Variants in MLIP observed in about 807,000 individuals in gnomAD.
The protein encoded by MLIP is muscular LMNA interacting protein.
MLIP carries 79 observed loss-of-function variants against 84.8 expected under a neutral mutation model. That is an observed-to-expected ratio of 0.93 (90% CI 0.78 to 1.12). The LOEUF (loss-of-function observed/expected upper bound fraction) is 1.12. MLIP is among the 50% of genes most tolerant of loss of function. The pLI is 0.00. For missense variants in MLIP, 1,257 were observed against 1,160.6 expected, an observed-to-expected ratio of 1.08 and a Z score of -1.21; for synonymous variants, 504 against 463.0, an observed-to-expected ratio of 1.09 and a Z score of -1.14.
intron 1 of MLIP, among the ~76,000 whole-genome samples, chr6:54,050,936 T>C (rs1266866243): frequency 1.3e-5 from 2 of 152,198 alleles, no homozygotes; most frequent in African/African-American, 4.8e-5. Flanking sequence ...CTCTGAACTT[T>C]CTGTCCTCAT....
intron 1 of MLIP, among the ~76,000 whole-genome samples, chr6:54,086,967 A>G (rs1391813038): frequency 6.6e-6 from 1 of 152,086 alleles, no homozygotes; most frequent in Non-Finnish European, 1.5e-5. Context: ...CACGACCACA[A>G]TATTCTAAGA....
At chr6:54,033,210 A>C (rs1764237646) in intron 1 of MLIP, among the ~76,000 whole-genome samples, 1 of 152,066 alleles carries the variant, frequency 6.6e-6, no homozygotes, top group South Asian at 2.1e-4. Context: ...CTTTGCGATC[A>C]TCACCACGAA....
intron 5 of MLIP, among the ~76,000 whole-genome samples, chr6:54,157,516 C>T (rs1466945682): frequency 6.6e-6 from 1 of 152,108 alleles, no homozygotes; most frequent in Non-Finnish European, 1.5e-5. Flanking sequence ...TCTGGATACC[C>T]ACAACCCCTG....
At chr6:54,151,337 T>C (rs1412743002) in intron 5 of MLIP, among the ~76,000 whole-genome samples, 2 of 152,300 alleles carry the variant, frequency 1.3e-5, no homozygotes, top group East Asian at 1.9e-4. Flanking sequence ...TGATATTGTA[T>C]TGTTCCTTTC....
intron 1 of MLIP, among the ~76,000 whole-genome samples, chr6:54,038,534 TA>T (rs1764572035): frequency 6.6e-6 from 1 of 151,952 alleles, no homozygotes; most frequent in Admixed American, 6.6e-5. Flanking sequence ...TTCAATTTAT[TA>T]AAAGCTCTGT....
chr6:54,080,147 C>T (rs183398698), intron 1 of MLIP, among the ~76,000 whole-genome samples: 2 of 152,158 alleles, frequency 1.3e-5, no homozygotes, highest in African/African-American at 4.8e-5. Flanking sequence ...GGTCCCTCCT[C>T]TCTTCATTCA....
chr6:54,104,284 T>C (rs1415034391), intron 1 of MLIP, among the ~76,000 whole-genome samples: 1 of 152,154 alleles, frequency 6.6e-6, no homozygotes, highest in Non-Finnish European at 1.5e-5. Flanking sequence ...TACTGTTACC[T>C]CAAAAGATGC....
At chr6:54,049,836 G>A (rs1765276123) in intron 1 of MLIP, among the ~76,000 whole-genome samples, 1 of 152,156 alleles carries the variant, frequency 6.6e-6, no homozygotes, top group East Asian at 1.9e-4. Context: ...TCACTGTGAA[G>A]TAATATCCAA....
At chr6:54,138,750 G>T (rs976045677) in intron 4 of MLIP, among the ~76,000 whole-genome samples, 1 of 152,170 alleles carries the variant, frequency 6.6e-6, no homozygotes, top group Non-Finnish European at 1.5e-5. Context: ...ATCTAGGCCT[G>T]TGACATAGCC....
At chr6:54,242,201 C>T (rs1010129724) in intron 12 of MLIP, among the ~76,000 whole-genome samples, 1 of 152,162 alleles carries the variant, frequency 6.6e-6, no homozygotes, top group Non-Finnish European at 1.5e-5. Context: ...GGAGAGGCCC[C>T]TTCACAAGCT....
At chr6:54,169,291 C>A (rs1775523744) in intron 8 of MLIP, among the ~76,000 whole-genome samples, 1 of 151,536 alleles carries the variant, frequency 6.6e-6, no homozygotes, top group Non-Finnish European at 1.5e-5. Context: ...CTATTATGAT[C>A]CATGAGTTGA....
intron 1 of MLIP, among the ~76,000 whole-genome samples, chr6:54,023,183 A>C (rs6938532): frequency 2.7e-5 from 1 of 36,836 alleles, no homozygotes; most frequent in Non-Finnish European, 1.2e-4. Flanking sequence ...TAATAATAAT[A>C]ATAATAATAA....
chr6:54,153,077 G>A (rs774285942), intron 5 of MLIP, among the ~76,000 whole-genome samples: 7 of 152,058 alleles, frequency 4.6e-5, no homozygotes, highest in Admixed American at 2.0e-4. Context: ...CCATTTTCAC[G>A]ATACATTTGA....
intron 1 of MLIP, among the ~76,000 whole-genome samples, chr6:54,033,475 C>T (rs1057513939): frequency 9.9e-5 from 15 of 152,018 alleles, no homozygotes; most frequent in African/African-American, 3.6e-4. Flanking sequence ...CAATGTTGGA[C>T]AGGCTGGTCT....
chr6:54,111,614 T>C lies in MLIP; in HGVS notation c.96+39T>C, dbSNP rs1265766085. On this transcript the variant is annotated intron_variant, in intron 1 of 13. Transcript: ENST00000502396. ...TTTGCTTAATGCTTTCAGTAACTTT[T>C]AAAAGCAGTGTACGGTGCTGGTGGT... 2.0e-6 allele frequency: 3 copies of C among 1,532,502 alleles called. No homozygotes were observed. In the South Asian group the frequency reaches 3.6e-5, roughly 18 times the overall value. 94.9% of individuals were successfully genotyped at this position (1,532,502 alleles called of 1,614,324 possible).
At position 54,210,730 on chromosome 6, in the gene MLIP, G is replaced by GA. The variant is rs70980900; in HGVS notation, c.2718+8513dup. Among the ~76,000 whole-genome samples the GA allele has an allele frequency of 5.2e-3, 678 of 131,236 alleles. 26 individuals carry two copies. Among genetic ancestry groups the GA allele is most frequent in the African/African-American group, 0.016 (574 of 36,160 alleles). 86.1% of individuals were successfully genotyped at this position (131,236 alleles called of 152,430 possible). ...TTTACAATAAAGACTCCAACGGAGG[G>GA]AAAAAAAAAAAAAAAATGTTCTAAT... On this transcript the variant is annotated intron_variant, in intron 11 of 13. Transcript: ENST00000502396.
intron 1 of MLIP, among the ~76,000 whole-genome samples, chr6:54,035,139 A>C (rs1010357640): frequency 1.3e-5 from 2 of 152,050 alleles, no homozygotes; most frequent in Admixed American, 1.3e-4. Flanking sequence ...GTGTAAGTTT[A>C]CTCCATGAGG....
chr6:54,117,314 A>T (rs1045581028), intron 1 of MLIP, among the ~76,000 whole-genome samples: 1 of 146,190 alleles, frequency 6.8e-6, no homozygotes, highest in Non-Finnish European at 1.5e-5. Context: ...TCCCAGGTTC[A>T]TGCTGTTCTC....
chr6:54,037,314 T>C (rs1047363064), intron 1 of MLIP, among the ~76,000 whole-genome samples: 1 of 151,988 alleles, frequency 6.6e-6, no homozygotes, highest in African/African-American at 2.4e-5. Flanking sequence ...TAATCTTCTA[T>C]GGCTTTCCTG....
Sources: gnomAD v4.1 joint callset for allele counts (sites outside exome capture counted in the v4.1 genomes callset) on GRCh38, gnomAD v4.1.1 for gene constraint, MANE v1.5 for transcripts, NCBI Gene and HGNC (gene_info 2026-07-23, HGNC 2026-07-21) for gene names.